The following LRRC7 variants were observed in gnomAD, a reference collection of about 807,000 sequenced individuals.
LRRC7 encodes leucine rich repeat containing 7, also known as leucine-rich repeat-containing protein 7.
Under a neutral mutation model 175.7 loss-of-function variants are expected in LRRC7, and 23 were observed. The ratio of observed to expected loss-of-function variants is 0.13; its 90% confidence interval spans 0.09 to 0.19. The LOEUF (loss-of-function observed/expected upper bound fraction) is 0.19, where lower values mean the gene tolerates loss of function less well. Among genes scored for constraint, LRRC7 ranks in the 10% least tolerant of loss-of-function variants. LRRC7 has a pLI of 1.00. For synonymous variants in LRRC7, 685 were observed against 680.9 expected (o/e 1.01, Z -0.09); for missense variants, 1,354 against 1,904.7 (o/e 0.71, Z 5.38).
chr1:69,603,973 A>G (rs1647197258), intron 1 of LRRC7, among the ~76,000 whole-genome samples: 1 of 152,150 alleles, frequency 6.6e-6, no homozygotes, highest in Non-Finnish European at 1.5e-5. Flanking sequence ...ATAAAAAATA[A>G]GTGAATAATT....
chr1:69,876,599 A>G (rs10493460), intron 7 of LRRC7, among the ~76,000 whole-genome samples: 1,895 of 152,278 alleles, frequency 0.012, 34 homozygotes, highest in African/African-American at 0.043. Flanking sequence ...TAAACCAGTA[A>G]TTCTTCCAAC....
chr1:70,121,757 C>T, intron 26 of LRRC7, 23 bp from the exon 27 acceptor site: 1 of 1,440,538 alleles, frequency 6.9e-7, no homozygotes, highest in Non-Finnish European at 9.7e-7. Context: ...ATTGATTGCC[C>T]TGTTTTATTT....
intron 7 of LRRC7, among the ~76,000 whole-genome samples, chr1:69,843,276 T>C (rs1681946937): frequency 6.6e-6 from 1 of 152,034 alleles, no homozygotes; most frequent in Admixed American, 6.6e-5. Flanking sequence ...GAATCAAATT[T>C]GTCAAATGGA....
At chr1:69,573,338 T>C (rs1245068) in intron 1 of LRRC7, among the ~76,000 whole-genome samples, 19,123 of 152,142 alleles carry the variant, frequency 0.13, 1,520 homozygotes, top group Admixed American at 0.18. Flanking sequence ...ATTATGGAAG[T>C]TTTTCCTGGT....
At chr1:69,581,020 G>T (rs1646178442) in intron 1 of LRRC7, among the ~76,000 whole-genome samples, 1 of 152,166 alleles carries the variant, frequency 6.6e-6, no homozygotes, top group Non-Finnish European at 1.5e-5. Flanking sequence ...GTACACTGGA[G>T]GGCAATGTGA....
At chr1:69,926,820 A>G (rs912736996) in intron 7 of LRRC7, among the ~76,000 whole-genome samples, 3 of 152,224 alleles carry the variant, frequency 2.0e-5, no homozygotes, top group South Asian at 4.1e-4. Context: ...TAAAGTTAAC[A>G]TTGTTATGTG....
In LRRC7 at chr1:69,717,938, AAG is replaced by A. The variant is rs1491023374; in HGVS notation, c.100+39462_100+39463del. Among the ~76,000 whole-genome samples, 13 of 81,370 alleles carry A rather than the reference AAG, an allele frequency of 1.6e-4. 2 individuals carry two copies. Among genetic ancestry groups the A allele is most frequent in the African/African-American group, 6.8e-4 (9 of 13,208 alleles). 53.4% of individuals were successfully genotyped at this position (81,370 alleles called of 152,430 possible). On this transcript the variant is annotated intron_variant, in intron 2 of 26. Coordinates refer to ENST00000651989, the MANE Select transcript of LRRC7 (RefSeq NM_001370785.2). ...AAGAGAGAAAAAAAGAAAAGAAAGA[AAG>A]AAAGAAAGAAAGAAAGAAGAAAAAG...
At chr1:69,888,788 G>A (rs1482519320) in intron 7 of LRRC7, among the ~76,000 whole-genome samples, 1 of 152,072 alleles carries the variant, frequency 6.6e-6, no homozygotes, top group East Asian at 1.9e-4. Flanking sequence ...AGGGAAGATG[G>A]GGAGATGTAG....
chr1:70,101,757 T>C (rs1364281908), intron 25 of LRRC7, among the ~76,000 whole-genome samples: 1 of 152,194 alleles, frequency 6.6e-6, no homozygotes, highest in Non-Finnish European at 1.5e-5. Flanking sequence ...TTAATAGTTT[T>C]TAAATGAGGT....
intron 2 of LRRC7, among the ~76,000 whole-genome samples, chr1:69,721,218 A>G (rs1538906): frequency 0.44 from 66,585 of 151,624 alleles, 14,872 homozygotes; most frequent in Admixed American, 0.5. Flanking sequence ...AACCTGCATT[A>G]CCATATAGTT....
At chr1:69,729,980 C>T (rs1196717532) in intron 2 of LRRC7, among the ~76,000 whole-genome samples, 1 of 152,208 alleles carries the variant, frequency 6.6e-6, no homozygotes, top group Non-Finnish European at 1.5e-5. Context: ...CCTGCAGGCT[C>T]AACACCACAT....
At chr1:69,918,140 AT>A (rs1646775125) in intron 7 of LRRC7, among the ~76,000 whole-genome samples, 1 of 152,182 alleles carries the variant, frequency 6.6e-6, no homozygotes, top group South Asian at 2.1e-4. Context: ...GGTCATTCCC[AT>A]TTAGAAAATA....
At chr1:69,622,147 T>C (rs1650715787) in intron 1 of LRRC7, among the ~76,000 whole-genome samples, 1 of 152,220 alleles carries the variant, frequency 6.6e-6, no homozygotes, top group Non-Finnish European at 1.5e-5. Context: ...TGTGTGACTG[T>C]AGGTGAATAT....
intron 3 of LRRC7, among the ~76,000 whole-genome samples, chr1:69,766,867 A>G (rs540691585): frequency 6.6e-6 from 1 of 152,304 alleles, no homozygotes; most frequent in African/African-American, 2.4e-5. Context: ...GTAAACTTAC[A>G]CTGTCTTTTT....
chr1:69,814,620 A>C (rs1032544904), intron 4 of LRRC7, among the ~76,000 whole-genome samples: 4 of 152,156 alleles, frequency 2.6e-5, no homozygotes, highest in Non-Finnish European at 5.9e-5. Context: ...TCACCTTTCC[A>C]ACCTGTGCTT....
At chr1:69,706,984 A>G (rs1054210091) in intron 2 of LRRC7, among the ~76,000 whole-genome samples, 3 of 152,210 alleles carry the variant, frequency 2.0e-5, no homozygotes, top group African/African-American at 7.2e-5. Context: ...TATACAAAAA[A>G]GGATAAAATT....
rs1450498862 is a variant in LRRC7 at position 70,130,925 on chromosome 1, A to C, written c.*9038A>C. 1.3e-5 allele frequency among the ~76,000 whole-genome samples: 2 copies of C among 152,214 alleles called. No individual in the cohort carries two copies. The highest frequency in any genetic ancestry group is 2.9e-5 in the Non-Finnish European group (2 of 68,036). ...TGCCCGTCCTTTAAGTAGATAAAAG[A>C]ATAGTCTGTCTACAGGCTGTTGGCC... On this transcript the variant is annotated 3_prime_UTR_variant, in exon 27 of 27. Coordinates refer to ENST00000651989, the MANE Select transcript of LRRC7 (RefSeq NM_001370785.2).
At chr1:69,693,015 C>T (rs917505957) in intron 2 of LRRC7, among the ~76,000 whole-genome samples, 37 of 152,116 alleles carry the variant, frequency 2.4e-4, no homozygotes, top group Non-Finnish European at 4.6e-4. Flanking sequence ...TTTGGTGCTC[C>T]TGGTTTTCAG....
chr1:69,818,976 G>T (rs1252783307), intron 4 of LRRC7, among the ~76,000 whole-genome samples: 3 of 151,752 alleles, frequency 2.0e-5, no homozygotes, highest in Admixed American at 1.3e-4. Flanking sequence ...ATTTAAGTAG[G>T]TTCCCTTTTA....
Sources: allele counts gnomAD v4.1 joint callset (sites outside exome capture counted in the v4.1 genomes callset), GRCh38; gene constraint gnomAD v4.1.1; transcripts MANE v1.5; gene names NCBI Gene and HGNC (gene_info 2026-07-23, HGNC 2026-07-21).